FOXO3: variants seen among roughly 807,000 people sequenced by gnomAD.
FOXO3 encodes the protein forkhead box O3.
Under a neutral mutation model 41.9 loss-of-function variants are expected in FOXO3, and 4 were observed. The ratio of observed to expected loss-of-function variants is 0.10; its 90% CI spans 0.05 to 0.22. The LOEUF is 0.22. FOXO3 is among the 10% of genes least tolerant of loss of function. The pLI, the probability that FOXO3 is intolerant of heterozygous loss-of-function variation, is 1.00. For missense variants in FOXO3, 534 were observed against 906.8 expected (o/e 0.59, Z 5.28); for synonymous variants, 318 against 389.3 (o/e 0.82, Z 2.16).
intron 1 of FOXO3, among the ~76,000 whole-genome samples, chr6:108,634,605 C>G (rs748620117): frequency 2.0e-5 from 3 of 152,092 alleles, no homozygotes; most frequent in Non-Finnish European, 4.4e-5. Context: ...AAAGCCAACT[C>G]CAACAGGCAT....
At chr6:108,579,616 C>T (rs1776353524) in intron 1 of FOXO3, among the ~76,000 whole-genome samples, 1 of 152,170 alleles carries the variant, frequency 6.6e-6, no homozygotes, top group African/African-American at 2.4e-5. Context: ...TGTCAACACA[C>T]GTCAGTTGCT....
At chr6:108,650,010 AGCCCACACATCGTTCCC>A (rs1778504062) in intron 1 of FOXO3, among the ~76,000 whole-genome samples, 2 of 152,164 alleles carry the variant, frequency 1.3e-5, no homozygotes, top group African/African-American at 4.8e-5. Flanking sequence ...TCGTATTATG[AGCCCACACATCGTTCCC>A]ATTAGCAAAT....
chr6:108,610,596 T>A (rs1309722586), intron 1 of FOXO3, among the ~76,000 whole-genome samples: 1 of 152,170 alleles, frequency 6.6e-6, no homozygotes, highest in Non-Finnish European at 1.5e-5. Flanking sequence ...TAGATAGAAG[T>A]GATAGGACAG....
intron 1 of FOXO3, among the ~76,000 whole-genome samples, chr6:108,663,154 CTT>C (rs1298051479): frequency 6.6e-6 from 1 of 152,134 alleles, no homozygotes; most frequent in Non-Finnish European, 1.5e-5. Context: ...GGGAGGATCT[CTT>C]GAGTCCAGGA....
intron 1 of FOXO3, among the ~76,000 whole-genome samples, chr6:108,577,070 C>T (rs1327293623): frequency 6.6e-6 from 1 of 151,838 alleles, no homozygotes; most frequent in Non-Finnish European, 1.5e-5. Context: ...CTTCTTTCCC[C>T]GTTTAAAAAA....
At chr6:108,609,859 G>A (rs1304877119) in intron 1 of FOXO3, among the ~76,000 whole-genome samples, 3 of 152,092 alleles carry the variant, frequency 2.0e-5, no homozygotes, top group Non-Finnish European at 1.5e-5. Flanking sequence ...TTGACAACAG[G>A]GCTCCTTTTG....
intron 1 of FOXO3, among the ~76,000 whole-genome samples, chr6:108,585,147 T>C (rs538387511): frequency 4.1e-4 from 59 of 143,558 alleles, no homozygotes; most frequent in Non-Finnish European, 6.8e-4. Context: ...GTTCACGCCA[T>C]TCTCCTGCCT....
chr6:108,572,470 C>T (rs760833010), intron 1 of FOXO3, among the ~76,000 whole-genome samples: 10 of 152,132 alleles, frequency 6.6e-5, no homozygotes, highest in Non-Finnish European at 1.3e-4. Context: ...TTCAAAAAAC[C>T]AGCTCTTCTT....
chr6:108,561,032 G>A lies in FOXO3; in HGVS notation c.-177G>A, dbSNP rs940346912. ...GCGGGCGAGGACTCGCCGAGGACGG[G>A]GCTCCGGCCCGGGATAACCAACTCT... On this transcript the variant is annotated 5_prime_UTR_variant, in exon 1 of 3. Coordinates refer to ENST00000406360, the MANE Select transcript of FOXO3 (RefSeq NM_001455.4). 9.4e-5 allele frequency: 130 copies of A among 1,386,764 alleles called. No homozygotes were observed. Among genetic ancestry groups the A allele is most frequent in the Non-Finnish European group, 1.1e-4 (122 of 1,083,216 alleles). The allele number at this position is 1,386,764 out of a possible 1,614,324, so 85.9% of individuals were successfully genotyped here.
chr6:108,561,059 C>T lies in FOXO3; in HGVS notation c.-150C>T, dbSNP rs1775767898. On this transcript the variant is annotated 5_prime_UTR_variant, in exon 1 of 3. Coordinates refer to ENST00000406360, the MANE Select transcript of FOXO3 (RefSeq NM_001455.4). ...CTCCGGCCCGGGATAACCAACTCTCCTTCTCTCTTCTTTGGTGCTTCCCCA... is the reference window on the plus strand; with the variant it reads ...CTCCGGCCCGGGATAACCAACTCTCTTTCTCTCTTCTTTGGTGCTTCCCCA... The T allele has an allele frequency of 2.1e-6, 3 of 1,418,752 alleles. No individual in the cohort carries two copies. Among genetic ancestry groups the T allele is most frequent in the Non-Finnish European group, 2.7e-6 (3 of 1,097,662 alleles). 87.9% of individuals were successfully genotyped at this position (1,418,752 alleles called of 1,614,324 possible). A position where few individuals can be genotyped will look rare whatever the true frequency, so the allele number is the denominator to read the frequency against.
At chr6:108,633,255 A>C (rs1562251632) in intron 1 of FOXO3, among the ~76,000 whole-genome samples, 1 of 152,140 alleles carries the variant, frequency 6.6e-6, no homozygotes, top group Non-Finnish European at 1.5e-5. Context: ...ACAGTGAAAA[A>C]TCCTTAGCCT....
intron 2 of FOXO3, among the ~76,000 whole-genome samples, chr6:108,672,043 G>C (rs1779229381): frequency 6.6e-6 from 1 of 152,198 alleles, no homozygotes; most frequent in Non-Finnish European, 1.5e-5. Flanking sequence ...TGCTGAAGGA[G>C]ATGCCCCACC....
chr6:108,663,561 G>A lies in FOXO3; in HGVS notation c.728G>A (p.Ser243Asn), dbSNP rs763858003. The A allele has an allele frequency of 1.2e-6, 2 of 1,613,882 alleles. No individual in the cohort carries two copies. The highest frequency in any genetic ancestry group is 2.2e-5 in the East Asian group (1 of 44,868). ...WWIINPDGGK[S>N]GKAPRRRAVS... ...ATCATCAACCCTGATGGGGGGAAGA[G>A]CGGAAAAGCCCCCCGGCGGCGGGCT... The change falls in exon 2 of 3, where the codon AGC becomes AAC. Residue 243 changes from serine to asparagine, a missense_variant. This residue lies in a region of FOXO3 where 77 missense variants were observed against 193.2 expected (regional missense o/e 0.40). Coordinates refer to ENST00000406360, the MANE Select transcript of FOXO3 (RefSeq NM_001455.4).
chr6:108,657,139 T>TA (rs1778710679), intron 1 of FOXO3, among the ~76,000 whole-genome samples: 1 of 152,236 alleles, frequency 6.6e-6, no homozygotes, highest in South Asian at 2.1e-4. Flanking sequence ...AATTGTTTTG[T>TA]AAAAGAGAAG....
chr6:108,561,247 G>C lies in FOXO3; in HGVS notation c.39G>C (p.Pro13=). ...EAPASPAPLS[P]LEVELDPEFE... is the part of the protein sequence containing the mutation. ...CGGCTTCCCCGGCCCCGCTCTCTCC[G>C]CTCGAAGTGGAGCTGGACCCGGAGT... is the stretch of plus-strand genomic sequence containing the variant. Residue 13 remains proline (P), a synonymous_variant, in exon 1 of 3, where the codon CCG becomes CCC. Coordinates refer to ENST00000406360, the MANE Select transcript of FOXO3 (RefSeq NM_001455.4). 3 of 1,564,218 alleles carry C rather than the reference G, an allele frequency of 1.9e-6. No homozygotes were observed. Among genetic ancestry groups the C allele is most frequent in the Non-Finnish European group, 2.6e-6 (3 of 1,157,282 alleles).
At chr6:108,638,550 A>G (rs1346685179) in intron 1 of FOXO3, among the ~76,000 whole-genome samples, 1 of 152,148 alleles carries the variant, frequency 6.6e-6, no homozygotes. Flanking sequence ...AAGGTCCCCT[A>G]CAGCTTTGAC....
intron 1 of FOXO3, among the ~76,000 whole-genome samples, chr6:108,574,265 C>T (rs1444430068): frequency 6.6e-6 from 1 of 151,620 alleles, no homozygotes; most frequent in East Asian, 1.9e-4. Flanking sequence ...TTCTGCAGTT[C>T]TCTTTGGTCA....
At chr6:108,563,979 T>C (rs1309328372) in intron 1 of FOXO3, among the ~76,000 whole-genome samples, 1 of 151,944 alleles carries the variant, frequency 6.6e-6, no homozygotes, top group Non-Finnish European at 1.5e-5. Flanking sequence ...TACCCTTCTC[T>C]GCTATCTCAT....
chr6:108,608,657 A>C (rs919838884), intron 1 of FOXO3, among the ~76,000 whole-genome samples: 1 of 152,226 alleles, frequency 6.6e-6, no homozygotes, highest in Non-Finnish European at 1.5e-5. Context: ...GATCCTGTTT[A>C]GCTACCTTTG....
Sources: gnomAD v4.1 joint callset for allele counts (sites outside exome capture counted in the v4.1 genomes callset) on GRCh38, gnomAD v4.1.1 for gene constraint, gnomAD v4.1.1 regional missense constraint, MANE v1.5 for transcripts, NCBI Gene and HGNC (gene_info 2026-07-23, HGNC 2026-07-21) for gene names.